Variants in PRKAG2 observed in about 807,000 individuals in gnomAD.
PRKAG2 encodes 5'-AMP-activated protein kinase subunit gamma-2.
A neutral mutation model predicts 69.6 loss-of-function variants in PRKAG2; 26 were observed. The observed-to-expected ratio is 0.37, with a 90% CI of 0.27 to 0.52. PRKAG2 has a LOEUF of 0.52. Among genes scored for constraint, PRKAG2 ranks in the 20% least tolerant of loss-of-function variants. The probability of loss-of-function intolerance (pLI) is 0.90; values close to 1 mark genes in which losing one functional copy is unlikely to be tolerated. For synonymous variants in PRKAG2, 293 were observed against 285.0 expected (o/e 1.03, Z -0.28); for missense variants, 557 against 740.0 (o/e 0.75, Z 2.87).
intron 3 of PRKAG2, among the ~76,000 whole-genome samples, chr7:151,711,549 CAA>C (rs1216735921): frequency 2.0e-5 from 3 of 152,186 alleles, no homozygotes; most frequent in African/African-American, 7.2e-5. Flanking sequence ...AGAAAATAGT[CAA>C]AGAGTTAATA....
chr7:151,701,293 C>A lies in PRKAG2; in HGVS notation c.467-25656G>T, dbSNP rs867833759. On this transcript the variant is annotated intron_variant, in intron 3 of 15. Transcript: ENST00000287878. ...CACATAGCTATTTCTTTATAAAATT[C>A]AAGTTCAGCTCCTTAGTTGCTGTTA... is the stretch of plus-strand genomic sequence containing the variant. Among the ~76,000 whole-genome samples the A allele has an allele frequency of 5.2e-4, 79 of 152,322 alleles. 1 individual carries two copies. The highest frequency in any genetic ancestry group is 1.8e-3 in the African/African-American group (76 of 41,568).
At chr7:151,841,205 C>T (rs189840862) in intron 1 of PRKAG2, among the ~76,000 whole-genome samples, 27 of 152,306 alleles carry the variant, frequency 1.8e-4, no homozygotes, top group African/African-American at 5.8e-4. Flanking sequence ...CATGGCTGGT[C>T]TCGGACTGCT....
rs189690764 is a variant in PRKAG2, at chr7:151,607,705, T to C, written c.755-12251A>G. ...TCTAGGATCATTTCAACATATCCTT[T>C]TCAAAGGAAGGGTTTGAACTTTGGG... On this transcript the variant is annotated intron_variant, in intron 5 of 15. Transcript: ENST00000287878. Among the ~76,000 whole-genome samples, 8 of 152,352 alleles carry C rather than the reference T, an allele frequency of 5.3e-5. No homozygotes were observed. The East Asian group carries it at 1.5e-3, about 29-fold the overall frequency.
chr7:151,566,242 T>C (rs1052586352), intron 11 of PRKAG2, among the ~76,000 whole-genome samples: 1 of 152,246 alleles, frequency 6.6e-6, no homozygotes, highest in Non-Finnish European at 1.5e-5. Flanking sequence ...TTATTCTTAA[T>C]TGTTCATGTT....
chr7:151,579,236 G>A (rs1809771317), intron 6 of PRKAG2, among the ~76,000 whole-genome samples: 1 of 152,104 alleles, frequency 6.6e-6, no homozygotes, highest in African/African-American at 2.4e-5. Context: ...TGCCCAGACT[G>A]GTCTCAAACT....
At chr7:151,767,343 T>G (rs1171044020) in intron 3 of PRKAG2, among the ~76,000 whole-genome samples, 1 of 152,348 alleles carries the variant, frequency 6.6e-6, no homozygotes, top group East Asian at 1.9e-4. Context: ...GAGGCTGGAG[T>G]GCAGTGGCCT....
chr7:151,766,491 C>T (rs571810070), intron 3 of PRKAG2, among the ~76,000 whole-genome samples: 8 of 152,278 alleles, frequency 5.3e-5, no homozygotes, highest in African/African-American at 1.2e-4. Context: ...AAACCAAAGG[C>T]GAGGCGCCCA....
chr7:151,743,470 G>C (rs1413621659), intron 3 of PRKAG2, among the ~76,000 whole-genome samples: 1 of 152,168 alleles, frequency 6.6e-6, no homozygotes, highest in African/African-American at 2.4e-5. Flanking sequence ...TGTGTCTTCT[G>C]GTGGCTGTTC....
intron 1 of PRKAG2, among the ~76,000 whole-genome samples, chr7:151,870,066 A>G (rs1328680773): frequency 1.3e-5 from 2 of 151,380 alleles, no homozygotes; most frequent in Non-Finnish European, 3.0e-5. Context: ...TGAATAGTCA[A>G]AAGTCAAGGA....
intron 5 of PRKAG2, 100 bp downstream of exon 5, chr7:151,631,969 G>A (rs1824572697): frequency 1.9e-6 from 2 of 1,077,190 alleles, no homozygotes; most frequent in Non-Finnish European, 2.3e-6. Context: ...GCTCGCCGTG[G>A]GGCAGCGCCG....
intron 1 of PRKAG2, among the ~76,000 whole-genome samples, chr7:151,854,850 T>A (rs1030745105): frequency 3.9e-5 from 6 of 152,058 alleles, no homozygotes; most frequent in African/African-American, 1.5e-4. Flanking sequence ...AGCAGAGGGA[T>A]GGCCTCGCAG....
At chr7:151,712,141 T>C in intron 3 of PRKAG2, among the ~76,000 whole-genome samples, 1 of 152,194 alleles carries the variant, frequency 6.6e-6, no homozygotes, top group East Asian at 1.9e-4. Context: ...TCACGTGGTG[T>C]AACATGACTG....
At chr7:151,830,531 A>G (rs1056861341) in intron 1 of PRKAG2, among the ~76,000 whole-genome samples, 1 of 151,920 alleles carries the variant, frequency 6.6e-6, no homozygotes, top group African/African-American at 2.4e-5. Flanking sequence ...GGGGGACGGA[A>G]ACTCTGAGCC....
intron 5 of PRKAG2, 106 bp downstream of exon 5, chr7:151,631,963 G>T (rs1177790364): frequency 9.4e-7 from 1 of 1,060,948 alleles, no homozygotes; most frequent in Non-Finnish European, 1.2e-6. Context: ...GACGCAGCTC[G>T]CCGTGGGGCA....
At chr7:151,582,365 C>T (rs1414377263) in intron 6 of PRKAG2, among the ~76,000 whole-genome samples, 1 of 152,102 alleles carries the variant, frequency 6.6e-6, no homozygotes, top group Admixed American at 6.5e-5. Flanking sequence ...GTTGCCCATG[C>T]TGGTTTGAAC....
chr7:151,662,836 C>T (rs915849607), intron 4 of PRKAG2, among the ~76,000 whole-genome samples: 1 of 152,170 alleles, frequency 6.6e-6, no homozygotes, highest in Admixed American at 6.5e-5. Flanking sequence ...GAGTTTGAGG[C>T]TGCAGTGAGC....
rs1819640411 is a variant in PRKAG2, at chr7:151,614,604, C to A, written c.754+17465G>T. 1.3e-5 allele frequency among the ~76,000 whole-genome samples: 2 copies of A among 152,102 alleles called. No homozygotes were observed. The highest frequency in any genetic ancestry group is 4.8e-5 in the African/African-American group (2 of 41,434). On this transcript the variant is annotated intron_variant, in intron 5 of 15. Transcript: ENST00000287878. The surrounding 1 kb of genome is among the most constrained non-coding windows in gnomAD (Gnocchi z 4.4). ...CTTGCTTCCCGCTCTCTCTCCCCAT[C>A]TCCACTTGACCTTGTGGTGGTTCAC... is the stretch of plus-strand genomic sequence containing the variant.
At chr7:151,761,707 G>A (rs1475229887) in intron 3 of PRKAG2, among the ~76,000 whole-genome samples, 1 of 152,156 alleles carries the variant, frequency 6.6e-6, no homozygotes, top group Non-Finnish European at 1.5e-5. Flanking sequence ...TCTTTACTGT[G>A]ACGCCGTGGT....
intron 15 of PRKAG2, chr7:151,559,998 G>C (rs1372708742): frequency 1.9e-5 from 19 of 985,216 alleles, no homozygotes; most frequent in Non-Finnish European, 2.2e-5. Flanking sequence ...CTGAAGGCTT[G>C]CTCAAAGTGA....
Sources: allele counts gnomAD v4.1 joint callset (sites outside exome capture counted in the v4.1 genomes callset), GRCh38; gene constraint gnomAD v4.1.1; non-coding constraint Gnocchi (gnomAD v3.1); transcripts MANE v1.5; gene names NCBI Gene and HGNC (gene_info 2026-07-23, HGNC 2026-07-21).